ADGRL4: variants seen among roughly 807,000 people sequenced by gnomAD.
ADGRL4 encodes the protein adhesion G protein-coupled receptor L4, also known as EGF, latrophilin and seven transmembrane domain containing 1.
ADGRL4 carries 90 observed loss-of-function variants against 74.8 expected under a neutral mutation model. The observed-to-expected ratio is 1.20, with a 90% confidence interval of 1.02 to 1.43. ADGRL4 has a LOEUF of 1.43. ADGRL4 is among the 40% of genes most tolerant of loss of function. ADGRL4 has a pLI of 0.00. For synonymous variants in ADGRL4, 311 were observed against 279.2 expected (o/e 1.11, Z -1.14); for missense variants, 881 against 814.3 (o/e 1.08, Z -1.00).
chr1:78,927,669 C>G (rs1406670732), intron 7 of ADGRL4, among the ~76,000 whole-genome samples: 1 of 151,958 alleles, frequency 6.6e-6, no homozygotes, highest in Admixed American at 6.6e-5. Context: ...CTAAAACTCC[C>G]CAAATGCAGT....
chr1:78,938,513 T>C (rs989366180), intron 4 of ADGRL4, among the ~76,000 whole-genome samples: 2 of 122,178 alleles, frequency 1.6e-5, no homozygotes, highest in African/African-American at 5.9e-5. Flanking sequence ...AAATAGAGCA[T>C]GTTTGAATTA....
chr1:78,939,382 A>C (rs1649428446), intron 3 of ADGRL4, 124 bp from the exon 4 acceptor site: 1 of 1,033,138 alleles, frequency 9.7e-7, no homozygotes, highest in Non-Finnish European at 1.2e-6. Flanking sequence ...CTAACACTTG[A>C]ATTTCCTCTT....
chr1:78,995,364 C>T (rs1310137810), intron 2 of ADGRL4, among the ~76,000 whole-genome samples: 1 of 152,088 alleles, frequency 6.6e-6, no homozygotes, highest in African/African-American at 2.4e-5. Context: ...CTTTATGTGC[C>T]AACTTCTACT....
intron 12 of ADGRL4, among the ~76,000 whole-genome samples, chr1:78,904,213 C>T (rs1341477146): frequency 1.3e-5 from 2 of 151,738 alleles, no homozygotes; most frequent in East Asian, 1.9e-4. Context: ...GAACAGAGTA[C>T]CCAGAGTGGT....
chr1:78,975,837 T>C (rs1263184758), intron 2 of ADGRL4, among the ~76,000 whole-genome samples: 4 of 151,994 alleles, frequency 2.6e-5, no homozygotes, highest in Non-Finnish European at 5.9e-5. Flanking sequence ...TGAAACACTT[T>C]CTTTTTGGTA....
intron 2 of ADGRL4, among the ~76,000 whole-genome samples, chr1:78,987,394 TG>T (rs1273209786): frequency 6.6e-6 from 1 of 151,796 alleles, no homozygotes; most frequent in South Asian, 2.1e-4. Flanking sequence ...TAATGTAAGG[TG>T]GGGTAAATAT....
intron 9 of ADGRL4, among the ~76,000 whole-genome samples, chr1:78,921,300 T>G (rs1391896954): frequency 6.6e-6 from 1 of 150,976 alleles, no homozygotes; most frequent in African/African-American, 2.4e-5. Flanking sequence ...GCCTTTAAAT[T>G]CCGTGATACA....
At chr1:78,936,218 A>G in intron 7 of ADGRL4, 77 bp downstream of exon 7, 1 of 1,431,064 alleles carries the variant, frequency 7.0e-7, no homozygotes, top group Non-Finnish European at 9.5e-7. Context: ...ACATGTACAT[A>G]TGACATAATC....
intron 2 of ADGRL4, among the ~76,000 whole-genome samples, chr1:78,994,735 T>C (rs540431966): frequency 1.3e-5 from 2 of 152,212 alleles, no homozygotes; most frequent in Non-Finnish European, 2.9e-5. Context: ...AGGTTTATAA[T>C]AGTCCCAGTA....
In ADGRL4 at chr1:78,934,686, G is replaced by A. The variant is rs76837966; in HGVS notation, c.877+1609C>T. ...AAGGTCTAATACCCAGCATCTACTA[G>A]GAACTTCAACAAATTTACAAGAAAA... On this transcript the variant is annotated intron_variant, in intron 7 of 14. Transcript: ENST00000370742. Among the ~76,000 whole-genome samples the A allele has an allele frequency of 8.1e-4, 123 of 152,092 alleles. 1 individual carries two copies. The East Asian group carries it at 0.02, about 25-fold the overall frequency.
chr1:78,981,843 T>A (rs1054365084), intron 2 of ADGRL4, among the ~76,000 whole-genome samples: 1 of 151,808 alleles, frequency 6.6e-6, no homozygotes, highest in Non-Finnish European at 1.5e-5. Context: ...ATTTAAGATA[T>A]TTTATGTTTC....
chr1:78,926,941 T>A lies in ADGRL4; in HGVS notation c.1028A>T (p.Asn343Ile). ...SSVISVSMSS[N>I]PPTLYELEKI... ...TTCAAGTTCATATAATGTGGGTGGG[T>A]TTGAGCTCATTGAGACTGAAATTAC... Residue 343 changes from asparagine (N) to isoleucine (I), a missense_variant, in exon 8 of 15, where the codon AAC (asparagine) becomes ATC (isoleucine). Transcript: ENST00000370742. 1 of 1,612,290 alleles carries A rather than the reference T, an allele frequency of 6.2e-7. No homozygotes were observed. The highest frequency in any genetic ancestry group is 1.1e-5 in the South Asian group (1 of 91,038).
chr1:78,951,457 G>A (rs1319964348), intron 2 of ADGRL4, among the ~76,000 whole-genome samples: 1 of 152,148 alleles, frequency 6.6e-6, no homozygotes, highest in Non-Finnish European at 1.5e-5. Context: ...ATAATAAACA[G>A]ATGCATATGT....
chr1:78,958,640 G>GT (rs1424949149), intron 2 of ADGRL4, among the ~76,000 whole-genome samples: 3 of 152,110 alleles, frequency 2.0e-5, no homozygotes, highest in African/African-American at 4.8e-5. Flanking sequence ...AGCAAAGAAA[G>GT]TTTTTTTCCT....
At chr1:78,924,448 G>A (rs78288167) in intron 8 of ADGRL4, among the ~76,000 whole-genome samples, 3 of 151,922 alleles carry the variant, frequency 2.0e-5, no homozygotes, top group African/African-American at 7.2e-5. Context: ...TGACACAGGA[G>A]AGGAGAGAGG....
intron 7 of ADGRL4, 95 bp from the exon 8 acceptor site, chr1:78,927,186 T>G: frequency 1.2e-6 from 1 of 805,722 alleles, no homozygotes. Context: ...GACAAACATT[T>G]TACTTTAGAA....
At chr1:78,937,777 A>G (rs759390825) in intron 6 of ADGRL4, 30 bp downstream of exon 6, 4 of 1,583,018 alleles carry the variant, frequency 2.5e-6, no homozygotes, top group Admixed American at 3.8e-5. Flanking sequence ...GGAAAACACA[A>G]TTACTTTTAA....
chr1:78,962,122 C>A (rs1649966081), intron 2 of ADGRL4, among the ~76,000 whole-genome samples: 1 of 152,130 alleles, frequency 6.6e-6, no homozygotes, highest in South Asian at 2.1e-4. Context: ...CTCAGGTGAT[C>A]CACTCACCTC....
intron 2 of ADGRL4, among the ~76,000 whole-genome samples, chr1:78,955,644 GAGTA>G (rs1471241411): frequency 1.3e-5 from 2 of 151,974 alleles, no homozygotes; most frequent in African/African-American, 2.4e-5. Flanking sequence ...TTCCTAAAAT[GAGTA>G]AGTTTTTTCA....
Sources: gnomAD v4.1 joint callset for allele counts (sites outside exome capture counted in the v4.1 genomes callset) on GRCh38, gnomAD v4.1.1 for gene constraint, MANE v1.5 for transcripts, NCBI Gene and HGNC (gene_info 2026-07-23, HGNC 2026-07-21) for gene names.